Variants in SHROOM3 observed in about 807,000 individuals in gnomAD.
The protein encoded by SHROOM3 is shroom family member 3.
A neutral mutation model predicts 138.6 loss-of-function variants in SHROOM3; 47 were observed. The observed-to-expected ratio is 0.34, with a 90% CI of 0.27 to 0.43. SHROOM3 has a LOEUF of 0.43. SHROOM3 is among the 20% of genes least tolerant of loss of function. The pLI is 1.00. For missense variants in SHROOM3, 2,491 were observed against 2,596.5 expected, an observed-to-expected ratio of 0.96 and a Z score of 0.88; for synonymous variants, 1,062 against 1,063.3, an observed-to-expected ratio of 1.00 and a Z score of 0.02.
intron 7 of SHROOM3, among the ~76,000 whole-genome samples, chr4:76,756,237 C>T (rs1045228821): frequency 6.6e-5 from 10 of 152,050 alleles, no homozygotes; most frequent in African/African-American, 2.4e-4. Context: ...TTTTTAGTTT[C>T]GGGGTTCAGT....
At chr4:76,480,743 C>T (rs1191891819) in intron 1 of SHROOM3, among the ~76,000 whole-genome samples, 1 of 152,166 alleles carries the variant, frequency 6.6e-6, no homozygotes. Flanking sequence ...GTAAAACACT[C>T]CTCAGCAAAT....
intron 10 of SHROOM3, among the ~76,000 whole-genome samples, chr4:76,774,707 G>C (rs1722486589): frequency 7.6e-6 from 1 of 131,360 alleles, no homozygotes; most frequent in Non-Finnish European, 1.7e-5. Context: ...GGGTTTTTTG[G>C]GGTTTTTTTT....
At chr4:76,718,273 T>G (rs1191117369) in intron 3 of SHROOM3, among the ~76,000 whole-genome samples, 2 of 152,182 alleles carry the variant, frequency 1.3e-5, no homozygotes, top group African/African-American at 4.8e-5. Context: ...TCTTTTGATT[T>G]TTATTCTCCC....
intron 1 of SHROOM3, among the ~76,000 whole-genome samples, chr4:76,549,483 C>G (rs1733301081): frequency 6.6e-6 from 1 of 152,066 alleles, no homozygotes; most frequent in Non-Finnish European, 1.5e-5. Context: ...ATTCTTCTAC[C>G]TCAGCCTCCT....
intron 1 of SHROOM3, among the ~76,000 whole-genome samples, chr4:76,500,405 C>G (rs775163967): frequency 1.5e-4 from 23 of 152,192 alleles, no homozygotes; most frequent in Non-Finnish European, 3.2e-4. Context: ...TGTCCCAGGA[C>G]AGCTAATGCT....
At chr4:76,641,966 A>T (rs17002136) in intron 2 of SHROOM3, among the ~76,000 whole-genome samples, 1 of 152,128 alleles carries the variant, frequency 6.6e-6, no homozygotes, top group African/African-American at 2.4e-5. Context: ...GTAGGACAGG[A>T]TCTCAAAATA....
intron 2 of SHROOM3, chr4:76,709,866 C>T (rs1720179502): frequency 5.4e-6 from 2 of 367,170 alleles, no homozygotes; most frequent in Admixed American, 4.0e-5. Flanking sequence ...GTTAATATAA[C>T]TTTCTTCCTT....
intron 3 of SHROOM3, among the ~76,000 whole-genome samples, chr4:76,712,946 C>T (rs1577990100): frequency 6.6e-6 from 1 of 152,106 alleles, no homozygotes; most frequent in African/African-American, 2.4e-5. Flanking sequence ...ATTCTGTAGG[C>T]AATTGTCACA....
At chr4:76,764,922 T>A (rs1383974368) in intron 9 of SHROOM3, among the ~76,000 whole-genome samples, 1 of 152,218 alleles carries the variant, frequency 6.6e-6, no homozygotes, top group Non-Finnish European at 1.5e-5. Context: ...TCAAATATTC[T>A]TAATGCATTA....
chr4:76,745,385 T>C (rs1721402855), intron 5 of SHROOM3, among the ~76,000 whole-genome samples: 1 of 152,224 alleles, frequency 6.6e-6, no homozygotes, highest in South Asian at 2.1e-4. Flanking sequence ...TAGAGACTTC[T>C]CTGGTTCTCA....
chr4:76,440,121 C>A (rs2109963041), intron 1 of SHROOM3, among the ~76,000 whole-genome samples: 1 of 152,308 alleles, frequency 6.6e-6, no homozygotes, highest in Middle Eastern at 3.4e-3. Context: ...CAAGTAACAA[C>A]AATAAACAAC....
chr4:76,593,985 T>C (rs1002598769), intron 2 of SHROOM3, among the ~76,000 whole-genome samples: 2 of 152,338 alleles, frequency 1.3e-5, no homozygotes, highest in East Asian at 3.9e-4. Flanking sequence ...AGCTGTTTTT[T>C]CTTTTGGAAA....
At chr4:76,700,023 C>A (rs1221474490) in intron 2 of SHROOM3, among the ~76,000 whole-genome samples, 1 of 152,132 alleles carries the variant, frequency 6.6e-6, no homozygotes, top group African/African-American at 2.4e-5. Flanking sequence ...TGCAGGGAAC[C>A]CATCAGGAAG....
At chr4:76,481,792 A>G (rs1731618686) in intron 1 of SHROOM3, among the ~76,000 whole-genome samples, 1 of 152,232 alleles carries the variant, frequency 6.6e-6, no homozygotes, top group African/African-American at 2.4e-5. Context: ...GGCACATCAA[A>G]AAGCTTATCC....
At chr4:76,753,227 C>T (rs1721689711) in intron 6 of SHROOM3, among the ~76,000 whole-genome samples, 1 of 152,026 alleles carries the variant, frequency 6.6e-6, no homozygotes, top group Admixed American at 6.6e-5. Context: ...AGAGGTGGGC[C>T]CTTTATTCCA....
intron 1 of SHROOM3, among the ~76,000 whole-genome samples, chr4:76,456,673 A>G (rs1018062959): frequency 1.3e-5 from 2 of 152,214 alleles, no homozygotes; most frequent in Non-Finnish European, 2.9e-5. Context: ...AATGATGCAG[A>G]TTATCGATTT....
intron 1 of SHROOM3, among the ~76,000 whole-genome samples, chr4:76,513,591 G>A (rs891834520): frequency 6.6e-6 from 1 of 152,192 alleles, no homozygotes; most frequent in Non-Finnish European, 1.5e-5. Context: ...TGGGATTACA[G>A]GCATGAGCCA....
intron 9 of SHROOM3, among the ~76,000 whole-genome samples, chr4:76,767,318 G>A (rs893449957): frequency 6.6e-6 from 1 of 152,166 alleles, no homozygotes; most frequent in East Asian, 1.9e-4. Flanking sequence ...CCACATGTGA[G>A]AGCAAACTAC....
intron 2 of SHROOM3, among the ~76,000 whole-genome samples, chr4:76,673,942 A>G (rs1472624113): frequency 6.6e-6 from 1 of 152,190 alleles, no homozygotes; most frequent in Non-Finnish European, 1.5e-5. Context: ...GCGCAATCGT[A>G]GCTCACTGTA....
Sources: gnomAD v4.1 joint callset for allele counts (sites outside exome capture counted in the v4.1 genomes callset) on GRCh38, gnomAD v4.1.1 for gene constraint, MANE v1.5 for transcripts, NCBI Gene and HGNC (gene_info 2026-07-23, HGNC 2026-07-21) for gene names.